Variants in BOD1L1 observed in about 807,000 individuals in gnomAD.
The protein encoded by BOD1L1 is biorientation of chromosomes in cell division 1 like 1.
A neutral mutation model predicts 240.7 loss-of-function variants in BOD1L1; 86 were observed. The ratio of observed to expected loss-of-function variants is 0.36; its 90% CI spans 0.30 to 0.43. The LOEUF is 0.43. Ranked by LOEUF, BOD1L1 falls within the 20% of genes least tolerant of loss-of-function variation. The pLI, the probability that BOD1L1 is intolerant of heterozygous loss-of-function variation, is 1.00. For missense variants in BOD1L1, 3,554 were observed against 3,643.5 expected (o/e 0.98, Z 0.63); for synonymous variants, 1,268 against 1,272.3 (o/e 1.00, Z 0.07).
intron 8 of BOD1L1, 57 bp from the exon 9 acceptor site, chr4:13,607,246 A>G (rs1006910125): frequency 3.9e-6 from 4 of 1,030,974 alleles, no homozygotes; most frequent in Non-Finnish European, 5.4e-6. Context: ...TTTTTCAGGA[A>G]GGTTGAAAAC....
rs867216483 is a variant in BOD1L1 at position 13,613,094 on chromosome 4, C to T, written c.1324+418G>A. ...CCATAGCTGTGAGTATACCACCTTT[C>T]GGTAAGTTCTATGAGCCCTTTTAGC... On this transcript the variant is annotated intron_variant, in intron 5 of 25. Transcript: ENST00000040738. The surrounding 1 kb of genome is among the most constrained non-coding windows in gnomAD (Gnocchi z 4.0). Among the ~76,000 whole-genome samples, 22 of 152,138 alleles carry T rather than the reference C, an allele frequency of 1.4e-4. No individual in the cohort carries two copies. The highest frequency in any genetic ancestry group is 8.3e-4 in the South Asian group (4 of 4,830).
In BOD1L1 at chr4:13,601,870, G is replaced by T; in HGVS notation, c.5030C>A (p.Thr1677Asn). The change falls in exon 10 of 26, where the codon ACT (threonine) becomes AAT (asparagine). Residue 1677 changes from threonine to asparagine, a missense_variant. Thr to Asn is a moderately conservative substitution (Grantham distance 65). This residue lies in a region of BOD1L1 where 3,393 missense variants were observed against 3,427.1 expected (regional missense o/e 0.99). Transcript: ENST00000040738. Reference sequence around the variant, plus strand: ...TTCAACTTCACTAATAAAAGTAATAGTTCCTTCAACTATTTCTGAGTCTCT... The same window carrying T: ...TTCAACTTCACTAATAAAAGTAATATTTCCTTCAACTATTTCTGAGTCTCT... ...LSRDSEIVEGTITFISEVESD... is the reference protein window; with the variant it reads ...LSRDSEIVEGNITFISEVESD... 6.2e-7 allele frequency: 1 copy of T among 1,613,936 alleles called. No homozygotes were observed. The highest frequency in any genetic ancestry group is 8.5e-7 in the Non-Finnish European group (1 of 1,179,886).
At position 13,627,671 on chromosome 4, in the gene BOD1L1, G is replaced by A. The variant is rs1259325724; in HGVS notation, c.-84C>T. ...GGCTGCACTGGTCCCGCCGCCTGAG[G>A]GAAGCCAACGGGATGTTGTTACGGA... On this transcript the variant is annotated 5_prime_UTR_variant, in exon 1 of 26. Transcript: ENST00000040738. 9 of 1,016,496 alleles carry A rather than the reference G, an allele frequency of 8.9e-6. No homozygotes were observed. Among genetic ancestry groups the A allele is most frequent in the Non-Finnish European group, 1.1e-5 (9 of 848,160 alleles). The allele number at this position is 1,016,496 out of a possible 1,614,324, so 63.0% of individuals were successfully genotyped here. A position where few individuals can be genotyped will look rare whatever the true frequency, so the allele number is the denominator to read the frequency against.
In BOD1L1 at chr4:13,596,071, C is replaced by T. The variant is rs561436181; in HGVS notation, c.8020-127G>A. 42 of 723,398 alleles carry T rather than the reference C, an allele frequency of 5.8e-5. No individual in the cohort carries two copies. In the South Asian group the frequency reaches 6.5e-4, roughly 11 times the overall value. 44.8% of individuals were successfully genotyped at this position (723,398 alleles called of 1,614,324 possible). ...ATATAAAAGCCTATTTTCAAGAGTACACAAAACTTAAAAATAAATACATCA... is the reference window on the plus strand; with the variant it reads ...ATATAAAAGCCTATTTTCAAGAGTATACAAAACTTAAAAATAAATACATCA... On this transcript the variant is annotated intron_variant, in intron 11 of 25. Coordinates refer to ENST00000040738, the MANE Select transcript of BOD1L1 (RefSeq NM_148894.3).
chr4:13,614,328 G>C lies in BOD1L1; in HGVS notation c.1042C>G (p.His348Asp). The C allele has an allele frequency of 6.5e-7, 1 of 1,550,020 alleles. No individual in the cohort carries two copies. The highest frequency in any genetic ancestry group is 8.7e-7 in the Non-Finnish European group (1 of 1,146,630). The change falls in exon 4 of 26, where the codon CAC (histidine) becomes GAC (aspartate). Residue 348 changes from histidine (H) to aspartate (D), a missense_variant. Around this residue, in one of 2 missense-constraint regions of BOD1L1, gnomAD observed 3,393 missense variants for 3,427.1 expected, o/e 0.99. Transcript: ENST00000040738. ...TGTGTATCTTCACTCTTTTTTGAGT[G>C]ATCAAATTTCTTTTCAGTCTTTTCC... ...KKEKTEKKFD[H>D]SKKSEDTQKV...
In BOD1L1 at chr4:13,627,288, C is replaced by T. The variant is rs1038690978; in HGVS notation, c.243+57G>A. Reference sequence around the variant, plus strand: ...CAAGAGGAAGCCACTGCAAAAGAAGCGCGCCCTTGGGTCCTCCCCTTCCCT... The same window carrying T: ...CAAGAGGAAGCCACTGCAAAAGAAGTGCGCCCTTGGGTCCTCCCCTTCCCT... On this transcript the variant is annotated intron_variant, in intron 1 of 25. Transcript: ENST00000040738. The T allele has an allele frequency of 1.7e-5, 18 of 1,040,014 alleles. No individual in the cohort carries two copies. In the African/African-American group the frequency reaches 2.2e-4, roughly 13 times the overall value. 64.4% of individuals were successfully genotyped at this position (1,040,014 alleles called of 1,614,324 possible). A position where few individuals can be genotyped will look rare whatever the true frequency, so the allele number is the denominator to read the frequency against.
At position 13,613,463 on chromosome 4, in the gene BOD1L1, T is replaced by G. The variant is rs191504626; in HGVS notation, c.1324+49A>C. On this transcript the variant is annotated intron_variant, in intron 5 of 25. Transcript: ENST00000040738. The surrounding 1 kb of genome is among the most constrained non-coding windows in gnomAD (Gnocchi z 4.0). Reference sequence around the variant, plus strand: ...GGATATAGCCATCAGAATATACAAATAATGCTTGACAGGATGCTTCAGAGG... The same window carrying G: ...GGATATAGCCATCAGAATATACAAAGAATGCTTGACAGGATGCTTCAGAGG... 75 of 1,538,706 alleles carry G rather than the reference T, an allele frequency of 4.9e-5. 2 individuals carry two copies. In the East Asian group the frequency reaches 1.7e-3, roughly 34 times the overall value.
intron 5 of BOD1L1, among the ~76,000 whole-genome samples, chr4:13,612,180 GA>G (rs200105622): frequency 2.7e-5 from 4 of 149,896 alleles, no homozygotes; most frequent in African/African-American, 7.3e-5. Context: ...TGAAATTGAA[GA>G]AAAAAAAATG....
intron 22 of BOD1L1, chr4:13,577,895 G>T: frequency 9.5e-6 from 3 of 314,898 alleles, no homozygotes; most frequent in South Asian, 4.8e-5. Flanking sequence ...ATAAGAAGTT[G>T]GATTAGACTA....
chr4:13,599,914 A>G lies in BOD1L1; in HGVS notation c.6986T>C (p.Ile2329Thr). The G allele has an allele frequency of 6.2e-7, 1 of 1,613,804 alleles. No individual in the cohort carries two copies. Among genetic ancestry groups the G allele is most frequent in the Non-Finnish European group, 8.5e-7 (1 of 1,179,804 alleles). Residue 2329 changes from isoleucine (I) to threonine (T), a missense_variant, in exon 10 of 26, where the codon ATC becomes ACC. Physicochemically the swap from Ile to Thr is moderately conservative, Grantham distance 89. Coordinates refer to ENST00000040738, the MANE Select transcript of BOD1L1 (RefSeq NM_148894.3). ...TRVEDLSDAA[I>T]ISTSTAECMP... ...ACATTCTGCTGTGCTGGTGGAGATG[A>G]TGGCAGCATCGCTCAAGTCTTCTAC...
At chr4:13,597,982 A>T (rs1714757629) in intron 10 of BOD1L1, among the ~76,000 whole-genome samples, 1 of 152,200 alleles carries the variant, frequency 6.6e-6, no homozygotes, top group Non-Finnish European at 1.5e-5. Flanking sequence ...TACAATTTAT[A>T]TAGCCAGAGT....
At position 13,599,096 on chromosome 4, in the gene BOD1L1, C is replaced by A; in HGVS notation, c.7804G>T (p.Asp2602Tyr). The part of the protein sequence containing the change: ...VALLAPKCEQ[D>Y]LTIKNDYSGK... Reference sequence around the variant, plus strand: ...CTATAATCATTCTTTATAGTCAAGTCCTGCTCACATTTAGGAGCCAACAGA... The same window carrying A: ...CTATAATCATTCTTTATAGTCAAGTACTGCTCACATTTAGGAGCCAACAGA... The change falls in exon 10 of 26, where the codon GAC (aspartate) becomes TAC (tyrosine). Residue 2602 changes from aspartate (D) to tyrosine (Y), a missense_variant. By Grantham distance (160) the Asp-to-Tyr change is radical. Around this residue, in one of 2 missense-constraint regions of BOD1L1, gnomAD observed 3,393 missense variants for 3,427.1 expected, o/e 0.99. Coordinates refer to ENST00000040738, the MANE Select transcript of BOD1L1 (RefSeq NM_148894.3). 1.2e-6 allele frequency: 2 copies of A among 1,613,972 alleles called. No homozygotes were observed. The highest frequency in any genetic ancestry group is 2.7e-5 in the African/African-American group (2 of 75,026).
At chr4:13,623,297 T>C (rs1055358578) in intron 1 of BOD1L1, 1 of 152,140 alleles carries the variant, frequency 6.6e-6, no homozygotes, top group East Asian at 1.9e-4. Flanking sequence ...TGAATGTTTG[T>C]TGGGTGAATA....
In BOD1L1 at chr4:13,602,605, T is replaced by C; in HGVS notation, c.4295A>G (p.Asn1432Ser). ...AACAGCAATGCCATCCTTCTTGCCA[T>C]TCTCTACTGTTGCTTTAATTGTCTG... ...LKQTIKATVENGKKDGIAVDH... is the reference protein window; with the variant it reads ...LKQTIKATVESGKKDGIAVDH... The change falls in exon 10 of 26, where the codon AAT becomes AGT. Residue 1432 changes from asparagine to serine, a missense_variant. Physicochemically the swap from Asn to Ser is conservative, Grantham distance 46. This residue lies in a region of BOD1L1 where 3,393 missense variants were observed against 3,427.1 expected (regional missense o/e 0.99). Transcript: ENST00000040738. The C allele has an allele frequency of 1.2e-6, 2 of 1,614,064 alleles. No individual in the cohort carries two copies. Among genetic ancestry groups the C allele is most frequent in the East Asian group, 4.5e-5 (2 of 44,894 alleles).
chr4:13,587,875 T>C, intron 15 of BOD1L1, 104 bp from the exon 16 acceptor site: 1 of 771,180 alleles, frequency 1.3e-6, no homozygotes, highest in Non-Finnish European at 2.1e-6. Flanking sequence ...TAAGTTGATA[T>C]ATAAATTTTT....
rs1713336861 is a variant in BOD1L1, at chr4:13,582,727, A to G, written c.8443T>C (p.Ser2815Pro). 1 of 1,608,682 alleles carries G rather than the reference A, an allele frequency of 6.2e-7. No individual in the cohort carries two copies. Among genetic ancestry groups the G allele is most frequent in the Non-Finnish European group, 8.5e-7 (1 of 1,175,410 alleles). Residue 2815 changes from serine (S) to proline (P), a missense_variant, in exon 18 of 26, where the codon TCC (serine) becomes CCC (proline). By Grantham distance (74) the Ser-to-Pro change is moderately conservative (BLOSUM62 -1). Around this residue, in one of 2 missense-constraint regions of BOD1L1, gnomAD observed 3,393 missense variants for 3,427.1 expected, o/e 0.99. Coordinates refer to ENST00000040738, the MANE Select transcript of BOD1L1 (RefSeq NM_148894.3). ...TEPHDTKEENSRDLEELPKTS... is the reference protein window; with the variant it reads ...TEPHDTKEENPRDLEELPKTS... ...TTAGGTAATTCTTCCAAATCTCTGG[A>G]GTTCTCTTCCTATAGAGAAGTTGAA...
At chr4:13,575,076 C>A (rs1307622141) in intron 25 of BOD1L1, among the ~76,000 whole-genome samples, 1 of 151,892 alleles carries the variant, frequency 6.6e-6, no homozygotes, top group Non-Finnish European at 1.5e-5. Flanking sequence ...CGTGCCACCA[C>A]ACCCAGCTAA....
chr4:13,602,197 T>A lies in BOD1L1; in HGVS notation c.4703A>T (p.His1568Leu). The A allele has an allele frequency of 6.2e-7, 1 of 1,613,762 alleles. No homozygotes were observed. Among genetic ancestry groups the A allele is most frequent in the Non-Finnish European group, 8.5e-7 (1 of 1,179,732 alleles). Residue 1568 changes from histidine (H) to leucine (L), a missense_variant, in exon 10 of 26, where the codon CAT becomes CTT. His to Leu is a moderately conservative substitution (Grantham distance 99). Transcript: ENST00000040738. ...AACATGAAGAGGATTATTTCTGGAATGTGTTCCTATTATGAGGCCTTCATC... is the reference window on the plus strand; with the variant it reads ...AACATGAAGAGGATTATTTCTGGAAAGTGTTCCTATTATGAGGCCTTCATC... ...EADEGLIIGT[H>L]SRNNPLHVGA...
rs1389654744 is a variant in BOD1L1 at position 13,603,018 on chromosome 4, T to C, written c.3882A>G (p.Glu1294=). Residue 1294 remains glutamate (E), a synonymous_variant, in exon 10 of 26, where the codon GAA becomes GAG. Coordinates refer to ENST00000040738, the MANE Select transcript of BOD1L1 (RefSeq NM_148894.3). ...GAGGAATTACATCTGGATCATACGATTCCCTCAGAGGCACAACAGTCACTG... is the reference window on the plus strand; with the variant it reads ...GAGGAATTACATCTGGATCATACGACTCCCTCAGAGGCACAACAGTCACTG... The part of the protein sequence containing the change: ...LSSVTVVPLR[E]SYDPDVIPLF... 20 of 1,613,902 alleles carry C rather than the reference T, an allele frequency of 1.2e-5. No homozygotes were observed. Among genetic ancestry groups the C allele is most frequent in the Non-Finnish European group, 1.6e-5 (19 of 1,179,884 alleles).
Sources: allele counts gnomAD v4.1 joint callset (sites outside exome capture counted in the v4.1 genomes callset), GRCh38; gene constraint gnomAD v4.1.1; regional missense constraint gnomAD v4.1.1; non-coding constraint Gnocchi (gnomAD v3.1); transcripts MANE v1.5; gene names NCBI Gene and HGNC (gene_info 2026-07-23, HGNC 2026-07-21).